Variants in SGCZ observed in about 807,000 individuals in gnomAD.
SGCZ encodes sarcoglycan zeta.
In SGCZ, 40 loss-of-function variants were observed where a neutral mutation model predicts 41.3. The observed-to-expected ratio is 0.97, with a 90% CI of 0.75 to 1.26. SGCZ has a LOEUF of 1.26. SGCZ is among the 50% of genes most tolerant of loss of function. The pLI, the probability that SGCZ is intolerant of heterozygous loss-of-function variation, is 0.00. For synonymous variants in SGCZ, 206 were observed against 137.5 expected (o/e 1.50, Z -3.49); for missense variants, 552 against 369.8 (o/e 1.49, Z -4.04).
At chr8:14,508,567 C>T (rs958887288) in intron 2 of SGCZ, among the ~76,000 whole-genome samples, 1 of 152,012 alleles carries the variant, frequency 6.6e-6, no homozygotes, top group African/African-American at 2.4e-5. Context: ...TTAATTTCTC[C>T]ATATCAATGG....
At chr8:15,142,747 G>A (rs574822606) in intron 1 of SGCZ, among the ~76,000 whole-genome samples, 6 of 151,292 alleles carry the variant, frequency 4.0e-5, no homozygotes, top group Admixed American at 3.3e-4. Context: ...GAGTAGCTGG[G>A]CCTACAGGCA....
intron 2 of SGCZ, among the ~76,000 whole-genome samples, chr8:14,325,957 A>G (rs2117037761): frequency 6.7e-6 from 1 of 148,892 alleles, no homozygotes; most frequent in Non-Finnish European, 1.5e-5. Context: ...CTAAAAATAC[A>G]AAAAATTAGC....
intron 1 of SGCZ, among the ~76,000 whole-genome samples, chr8:14,814,820 C>T (rs1801852007): frequency 1.3e-5 from 2 of 151,974 alleles, no homozygotes; most frequent in Admixed American, 1.3e-4. Context: ...ACTTTTTCAG[C>T]CAACTATGGT....
rs144730112 is a variant in SGCZ at position 14,762,727 on chromosome 8, C to G, written c.40-207801G>C. 5.7e-3 allele frequency among the ~76,000 whole-genome samples: 866 copies of G among 152,166 alleles called. 14 individuals carry two copies. The highest frequency in any genetic ancestry group is 0.02 in the African/African-American group (822 of 41,522). ...CTTCTACAGTGTATATGTTTATTTG[C>G]TGGACAAACAAGCATTCAGTTCACG... On this transcript the variant is annotated intron_variant, in intron 1 of 7. Coordinates refer to ENST00000382080, the MANE Select transcript of SGCZ (RefSeq NM_139167.4).
At chr8:14,961,312 A>G (rs979210982) in intron 1 of SGCZ, among the ~76,000 whole-genome samples, 2 of 152,128 alleles carry the variant, frequency 1.3e-5, no homozygotes, top group African/African-American at 4.8e-5. Context: ...GTAGAAACTG[A>G]ACTTCTTGGA....
At chr8:14,464,591 G>C (rs184789190) in intron 2 of SGCZ, among the ~76,000 whole-genome samples, 6 of 142,148 alleles carry the variant, frequency 4.2e-5, no homozygotes, top group Non-Finnish European at 6.2e-5. Context: ...TCTTTATTTT[G>C]TTTATCTCTG....
chr8:14,939,961 A>G (rs1261699910), intron 1 of SGCZ, among the ~76,000 whole-genome samples: 1 of 152,178 alleles, frequency 6.6e-6, no homozygotes, highest in Non-Finnish European at 1.5e-5. Context: ...TCATTGAAAC[A>G]TCTATTTCAA....
chr8:15,207,045 G>A (rs1801091242), intron 1 of SGCZ, among the ~76,000 whole-genome samples: 1 of 152,174 alleles, frequency 6.6e-6, no homozygotes, highest in African/African-American at 2.4e-5. Flanking sequence ...CAAGACGAAG[G>A]GATGTGGGGC....
chr8:14,209,570 T>A (rs1166908682), intron 4 of SGCZ, among the ~76,000 whole-genome samples: 1 of 152,208 alleles, frequency 6.6e-6, no homozygotes, highest in Non-Finnish European at 1.5e-5. Flanking sequence ...TATGGGAATA[T>A]TTAAATTATG....
chr8:14,860,419 A>G (rs539585861), intron 1 of SGCZ, among the ~76,000 whole-genome samples: 4 of 151,818 alleles, frequency 2.6e-5, no homozygotes, highest in Middle Eastern at 3.4e-3. Flanking sequence ...GGAAGTGAGA[A>G]AAATGGAGGG....
intron 2 of SGCZ, among the ~76,000 whole-genome samples, chr8:14,546,942 T>G (rs558159451): frequency 2.8e-4 from 43 of 152,090 alleles, no homozygotes; most frequent in Non-Finnish European, 5.3e-4. Flanking sequence ...CCTTTTCATC[T>G]GCCAGAGGGG....
At chr8:15,203,217 A>G (rs1563181802) in intron 1 of SGCZ, among the ~76,000 whole-genome samples, 1 of 152,212 alleles carries the variant, frequency 6.6e-6, no homozygotes, top group Non-Finnish European at 1.5e-5. Flanking sequence ...ATTCTTTCCA[A>G]ATCTCAGAAG....
intron 2 of SGCZ, among the ~76,000 whole-genome samples, chr8:14,352,558 T>C (rs896880576): frequency 6.6e-6 from 1 of 152,088 alleles, no homozygotes; most frequent in Non-Finnish European, 1.5e-5. Flanking sequence ...CAAAAGATAC[T>C]GGGATTCTCT....
At chr8:14,876,754 G>C (rs548746153) in intron 1 of SGCZ, among the ~76,000 whole-genome samples, 1 of 152,208 alleles carries the variant, frequency 6.6e-6, no homozygotes, top group African/African-American at 2.4e-5. Flanking sequence ...AGAGGCAAGA[G>C]GAAATATCAA....
At chr8:14,624,555 A>ATTATTATTTTTTTTTTTTTTTTTTTTTT (rs1438250019) in intron 1 of SGCZ, among the ~76,000 whole-genome samples, 4 of 96,266 alleles carry the variant, frequency 4.2e-5, no homozygotes, top group Non-Finnish European at 5.9e-5. Context: ...TATTATTATT[A>ATTATTATTTTTTTTTTTTTTTTTTTTTT]TTTTTTTTTT....
At chr8:14,201,490 T>A (rs548568151) in intron 4 of SGCZ, among the ~76,000 whole-genome samples, 1 of 152,260 alleles carries the variant, frequency 6.6e-6, no homozygotes, top group East Asian at 1.9e-4. Context: ...TATGAATAAA[T>A]TCAAATCCAT....
chr8:15,091,886 G>A (rs1806165412), intron 1 of SGCZ, among the ~76,000 whole-genome samples: 2 of 152,038 alleles, frequency 1.3e-5, no homozygotes, highest in South Asian at 2.1e-4. Context: ...GAAAGTAGCT[G>A]GGACTACAAG....
intron 5 of SGCZ, chr8:14,161,354 A>C (rs946506783): frequency 5.9e-5 from 9 of 152,196 alleles, no homozygotes; most frequent in African/African-American, 2.2e-4. Context: ...TATTCTGGTA[A>C]GGAGTAAAGT....
chr8:14,463,388 GT>G (rs1380445062), intron 2 of SGCZ, among the ~76,000 whole-genome samples: 4 of 136,902 alleles, frequency 2.9e-5, no homozygotes, highest in Non-Finnish European at 6.3e-5. Flanking sequence ...AGAATACGAA[GT>G]TTTTAACAAG....
Sources: allele counts gnomAD v4.1 joint callset (sites outside exome capture counted in the v4.1 genomes callset), GRCh38; gene constraint gnomAD v4.1.1; transcripts MANE v1.5; gene names NCBI Gene and HGNC (gene_info 2026-07-23, HGNC 2026-07-21).